The following MPDZ variants were observed in gnomAD, a reference collection of about 807,000 sequenced individuals.
The protein encoded by MPDZ is multiple PDZ domain protein.
Under a neutral mutation model 239.1 loss-of-function variants are expected in MPDZ, and 234 were observed. The ratio of observed to expected loss-of-function variants is 0.98; its 90% CI spans 0.88 to 1.09. The LOEUF (loss-of-function observed/expected upper bound fraction) is 1.09, where lower values mean the gene tolerates loss of function less well. Ranked by LOEUF, MPDZ falls within the 50% of genes least tolerant of loss-of-function variation. MPDZ has a pLI of 0.00. For missense variants in MPDZ, 3,175 were observed against 2,510.0 expected, an observed-to-expected ratio of 1.26 and a Z score of -5.66; for synonymous variants, 1,048 against 881.3, an observed-to-expected ratio of 1.19 and a Z score of -3.35.
chr9:13,173,573 G>C (rs985950709), intron 21 of MPDZ, among the ~76,000 whole-genome samples: 3 of 151,836 alleles, frequency 2.0e-5, no homozygotes, highest in Admixed American at 1.3e-4. Flanking sequence ...CATGGTGGCA[G>C]AGGCCTGTAA....
At chr9:13,137,853 T>C (rs1040076233) in intron 29 of MPDZ, 104 bp downstream of exon 29, 36 of 1,186,896 alleles carry the variant, frequency 3.0e-5, no homozygotes, top group Non-Finnish European at 4.2e-5. Flanking sequence ...AAGCAAGCAA[T>C]GGCTTTCTCA....
intron 2 of MPDZ, among the ~76,000 whole-genome samples, chr9:13,248,227 C>CA (rs757008099): frequency 0.06 from 3,566 of 59,484 alleles, 72 homozygotes; most frequent in East Asian, 0.095. Flanking sequence ...GACTCCATCT[C>CA]AAAAAAAAAA....
chr9:13,167,331 T>A (rs550949196), intron 22 of MPDZ, among the ~76,000 whole-genome samples: 2 of 152,208 alleles, frequency 1.3e-5, no homozygotes, highest in African/African-American at 4.8e-5. Context: ...CAAAAAAGCA[T>A]ACACAAATAT....
rs1944387576 is a variant in MPDZ, at chr9:13,121,788, G to C, written c.5182C>G (p.Leu1728Val). ...AGGCCTTTTCCCGGCTTCTTCTGCA[G>C]CTCAATAGTGAGGGTGTCACACACT... ...EEVCDTLTIE[L>V]QKKPGKGLGL... Residue 1728 changes from leucine to valine, a missense_variant, in exon 38 of 47, where the codon CTG (leucine) becomes GTG (valine). Transcript: ENST00000319217. The C allele has an allele frequency of 6.2e-6, 10 of 1,613,930 alleles. No homozygotes were observed. The highest frequency in any genetic ancestry group is 7.6e-6 in the Non-Finnish European group (9 of 1,179,876).
At chr9:13,253,573 C>T (rs908315452) in intron 1 of MPDZ, among the ~76,000 whole-genome samples, 1 of 152,146 alleles carries the variant, frequency 6.6e-6, no homozygotes, top group Non-Finnish European at 1.5e-5. Flanking sequence ...TTTCCTTTCC[C>T]TTTTTGCCCA....
At chr9:13,257,376 C>T (rs542081588) in intron 1 of MPDZ, among the ~76,000 whole-genome samples, 6 of 152,244 alleles carry the variant, frequency 3.9e-5, no homozygotes, top group African/African-American at 1.4e-4. Flanking sequence ...CAAGGTCAAA[C>T]AGCTAGTAAA....
At chr9:13,217,323 AAAT>A in intron 8 of MPDZ, 29 bp from the exon 9 acceptor site, 3 of 1,379,584 alleles carry the variant, frequency 2.2e-6, no homozygotes, top group Non-Finnish European at 3.0e-6. Flanking sequence ...ATATACAGTG[AAAT>A]AATACGTAAA....
At chr9:13,277,647 C>CG (rs1459964926) in intron 1 of MPDZ, among the ~76,000 whole-genome samples, 4 of 152,142 alleles carry the variant, frequency 2.6e-5, no homozygotes, top group Non-Finnish European at 4.4e-5. Flanking sequence ...TCAATGCAAC[C>CG]GCTGCCTCCC....
chr9:13,216,130 G>C (rs1331677), intron 10 of MPDZ, among the ~76,000 whole-genome samples: 1 of 151,264 alleles, frequency 6.6e-6, no homozygotes, highest in African/African-American at 2.4e-5. Flanking sequence ...TTTTGTTGCA[G>C]GGTCTCTTGA....
At chr9:13,134,517 T>C (rs1336115577) in intron 31 of MPDZ, 1 of 152,206 alleles carries the variant, frequency 6.6e-6, no homozygotes, top group Non-Finnish European at 1.5e-5. Flanking sequence ...TCTATGTTTA[T>C]ATATTCATTT....
intron 45 of MPDZ, 44 bp from the exon 46 acceptor site, chr9:13,109,103 A>C (rs1389371900): frequency 7.7e-7 from 1 of 1,290,466 alleles, no homozygotes. Flanking sequence ...TTAAAAAAAA[A>C]AAACTATACA....
rs773639575 is a variant in MPDZ, at chr9:13,179,434, A to G, written c.2650-3017T>C. On this transcript the variant is annotated intron_variant, in intron 19 of 46. Transcript: ENST00000319217. ...TTAGCTGGGGTGTACTGTAAATGGT[A>G]TAACAGTCCCATGCATTATTCATGA... 5.3e-5 allele frequency among the ~76,000 whole-genome samples: 8 copies of G among 152,178 alleles called. 1 individual carries two copies. The highest frequency in any genetic ancestry group is 6.3e-3 in the Middle Eastern group (2 of 316).
At position 13,138,770 on chromosome 9, in the gene MPDZ, T is replaced by C. The variant is rs184713002; in HGVS notation, c.4004-617A>G. On this transcript the variant is annotated intron_variant, in intron 28 of 46. Coordinates refer to ENST00000319217, the MANE Select transcript of MPDZ (RefSeq NM_001378778.1). ...TGGTTATTGTGCACCCTCTTTAATCTAAGAGGGCTGACGCCTCACGCAGGT... is the reference window on the plus strand; with the variant it reads ...TGGTTATTGTGCACCCTCTTTAATCCAAGAGGGCTGACGCCTCACGCAGGT... Among the ~76,000 whole-genome samples the C allele has an allele frequency of 3.5e-3, 533 of 152,232 alleles. 8 individuals are homozygous for C. Among genetic ancestry groups the C allele is most frequent in the Admixed American group, 2.0e-3 (30 of 15,296 alleles).
At chr9:13,130,059 A>T (rs116079553) in intron 32 of MPDZ, among the ~76,000 whole-genome samples, 1,670 of 152,300 alleles carry the variant, frequency 0.011, 26 homozygotes, top group African/African-American at 0.038. Context: ...GATATGAAAC[A>T]CAGCTTTGAC....
intron 31 of MPDZ, 29 bp downstream of exon 31, chr9:13,136,063 C>G: frequency 7.0e-7 from 1 of 1,423,310 alleles, no homozygotes; most frequent in East Asian, 2.3e-5. Flanking sequence ...TCAAGTCTTC[C>G]CAGAGAAACA....
chr9:13,140,466 T>A (rs1196848981), intron 27 of MPDZ, among the ~76,000 whole-genome samples: 1 of 148,206 alleles, frequency 6.7e-6, no homozygotes, highest in Non-Finnish European at 1.5e-5. Context: ...TCTTTGTTTT[T>A]GACATGATAT....
At chr9:13,122,830 AAAT>A (rs1944556715) in intron 36 of MPDZ, among the ~76,000 whole-genome samples, 1 of 152,098 alleles carries the variant, frequency 6.6e-6, no homozygotes, top group Non-Finnish European at 1.5e-5. Flanking sequence ...ACTCCTCTTA[AAAT>A]GGGTTTAACC....
At chr9:13,203,628 G>A (rs1044033325) in intron 12 of MPDZ, among the ~76,000 whole-genome samples, 5 of 151,894 alleles carry the variant, frequency 3.3e-5, no homozygotes, top group Non-Finnish European at 5.9e-5. Flanking sequence ...TAGTACTAGG[G>A]CAGATGCATT....
At chr9:13,189,666 C>T (rs1198433950) in intron 16 of MPDZ, among the ~76,000 whole-genome samples, 2 of 152,066 alleles carry the variant, frequency 1.3e-5, no homozygotes, top group South Asian at 2.1e-4. Context: ...GGACAAAGGC[C>T]AACTTGACCA....
Sources: gnomAD v4.1 joint callset for allele counts (sites outside exome capture counted in the v4.1 genomes callset) on GRCh38, gnomAD v4.1.1 for gene constraint, MANE v1.5 for transcripts, NCBI Gene and HGNC (gene_info 2026-07-23, HGNC 2026-07-21) for gene names.